Variants in CPE observed in about 807,000 individuals in gnomAD.
CPE encodes carboxypeptidase E.
Under a neutral mutation model 53.5 loss-of-function variants are expected in CPE, and 17 were observed. That is an observed-to-expected ratio of 0.32 (90% CI 0.22 to 0.48). The LOEUF is 0.48. CPE is among the 20% of genes least tolerant of loss of function. The pLI, the probability that CPE is intolerant of heterozygous loss-of-function variation, is 0.99. For missense variants in CPE, 524 were observed against 614.7 expected (o/e 0.85, Z 1.56); for synonymous variants, 226 against 228.8 (o/e 0.99, Z 0.11).
chr4:165,388,799 T>TGATTTTAAA (rs1342058370), intron 1 of CPE, among the ~76,000 whole-genome samples: 1 of 152,114 alleles, frequency 6.6e-6, no homozygotes, highest in East Asian at 1.9e-4. Flanking sequence ...GCTGGACATC[T>TGATTTTAAA]GATTTTAAAG....
intron 1 of CPE, among the ~76,000 whole-genome samples, chr4:165,401,033 T>C (rs1730858201): frequency 6.6e-6 from 1 of 151,168 alleles, no homozygotes; most frequent in African/African-American, 2.5e-5. Context: ...TCAATCTTTA[T>C]CTTACTTGAC....
intron 1 of CPE, among the ~76,000 whole-genome samples, chr4:165,407,877 A>G (rs77014777): frequency 6.6e-6 from 1 of 150,686 alleles, no homozygotes; most frequent in African/African-American, 2.4e-5. Flanking sequence ...TTTTTTTTAA[A>G]GAGACGGAGT....
chr4:165,461,188 G>GAAAGAAAGAAAGAAAAAGAA lies in CPE; in HGVS notation c.308-3191_308-3190insGAAAAAGAAAAAGAAAGAAA, dbSNP rs1560889059. 1.9e-3 allele frequency among the ~76,000 whole-genome samples: 158 copies of GAAAGAAAGAAAGAAAAAGAA among 81,120 alleles called. 2 individuals are homozygous for GAAAGAAAGAAAGAAAAAGAA. Among genetic ancestry groups the GAAAGAAAGAAAGAAAAAGAA allele is most frequent in the African/African-American group, 7.7e-3 (146 of 18,888 alleles). 53.2% of individuals were successfully genotyped at this position (81,120 alleles called of 152,430 possible). ...CCTCAAAAAAAAAAAAAAAAAAAAA[G>GAAAGAAAGAAAGAAAAAGAA]AAAGAAAGAAAAGAAAAGAAAAATA... On this transcript the variant is annotated intron_variant, in intron 1 of 8. Transcript: ENST00000402744.
chr4:165,468,356 C>T (rs1294034180), intron 3 of CPE, among the ~76,000 whole-genome samples: 1 of 152,124 alleles, frequency 6.6e-6, no homozygotes, highest in Non-Finnish European at 1.5e-5. Context: ...CTGGGCTTCC[C>T]TCCTTACCTG....
At chr4:165,406,335 C>G (rs2053276) in intron 1 of CPE, 27,818 of 540,472 alleles carry the variant, frequency 0.051, 907 homozygotes, top group East Asian at 0.099. Context: ...GCCAATCGCC[C>G]GGTAGACCAC....
rs1448244051 is a variant in CPE, at chr4:165,482,188, G to C, written c.673-54G>C. ...CTTTCCTATGTCTTTTCTGTCAAGT[G>C]ATCATACCAATGATTATTAAATTTA... On this transcript the variant is annotated intron_variant, in intron 3 of 8. Coordinates refer to ENST00000402744, the MANE Select transcript of CPE (RefSeq NM_001873.4). The C allele has an allele frequency of 3.4e-6, 4 of 1,166,862 alleles. No individual in the cohort carries two copies. The East Asian group carries it at 9.8e-5, about 28-fold the overall frequency. The allele number at this position is 1,166,862 out of a possible 1,614,324, so 72.3% of individuals were successfully genotyped here. A position where few individuals can be genotyped will look rare whatever the true frequency, so the allele number is the denominator to read the frequency against.
At chr4:165,382,516 G>C (rs1015015627) in intron 1 of CPE, among the ~76,000 whole-genome samples, 1 of 152,124 alleles carries the variant, frequency 6.6e-6, no homozygotes, top group Non-Finnish European at 1.5e-5. Flanking sequence ...TCCAGCAAGA[G>C]AGGTGTCAGA....
chr4:165,487,440 A>G lies in CPE; in HGVS notation c.976A>G (p.Met326Val), dbSNP rs761742276. The G allele has an allele frequency of 1.2e-6, 2 of 1,613,870 alleles. No homozygotes were observed. The highest frequency in any genetic ancestry group is 1.7e-6 in the Non-Finnish European group (2 of 1,179,958). Reference sequence around the variant, plus strand: ...CTTTCCATTTGGTGTTTTGGCAGGGATGCAAGACTTCAATTACCTTAGCAG... The same window carrying G: ...CTTTCCATTTGGTGTTTTGGCAGGGGTGCAAGACTTCAATTACCTTAGCAG... ...GGAWYSVPGG[M>V]QDFNYLSSNC... Residue 326 changes from methionine (M) to valine (V), a missense_variant and splice_region_variant, in exon 6 of 9, where the codon ATG becomes GTG. Physicochemically the swap from Met to Val is conservative, Grantham distance 21 (BLOSUM62 1). Transcript: ENST00000402744.
In CPE at chr4:165,484,616, T is replaced by C. The variant is rs1248173691; in HGVS notation, c.973+12T>C. 3 of 1,611,578 alleles carry C rather than the reference T, an allele frequency of 1.9e-6. No homozygotes were observed. The highest frequency in any genetic ancestry group is 1.7e-6 in the Non-Finnish European group (2 of 1,178,268). Reference sequence around the variant, plus strand: ...CAGCGTACCTGGAGGTGAGTTTCCATTGTGCTCTCTGATTATGTGATTGTA... The same window carrying C: ...CAGCGTACCTGGAGGTGAGTTTCCACTGTGCTCTCTGATTATGTGATTGTA... On this transcript the variant is annotated intron_variant, in intron 5 of 8. Transcript: ENST00000402744.
At chr4:165,408,850 A>G (rs1471794654) in intron 1 of CPE, among the ~76,000 whole-genome samples, 2 of 152,258 alleles carry the variant, frequency 1.3e-5, no homozygotes, top group Non-Finnish European at 2.9e-5. Flanking sequence ...GGAGGGAGAC[A>G]CAGAGAGAAT....
chr4:165,457,513 A>G (rs1458400912), intron 1 of CPE, among the ~76,000 whole-genome samples: 2 of 152,178 alleles, frequency 1.3e-5, no homozygotes, highest in Admixed American at 6.5e-5. Flanking sequence ...CTCTCCTTCA[A>G]TTAGAATCTT....
At chr4:165,476,340 G>C (rs1732299562) in intron 3 of CPE, among the ~76,000 whole-genome samples, 1 of 152,146 alleles carries the variant, frequency 6.6e-6, no homozygotes, top group Non-Finnish European at 1.5e-5. Context: ...CTTGGGGTGG[G>C]CTGTCTGCAT....
intron 8 of CPE, 120 bp from the exon 9 acceptor site, chr4:165,497,392 G>T: frequency 2.2e-6 from 1 of 454,242 alleles, no homozygotes; most frequent in Non-Finnish European, 3.8e-6. Context: ...TTTATTTCAG[G>T]ATTTACTTTA....
intron 1 of CPE, among the ~76,000 whole-genome samples, chr4:165,380,453 A>G (rs1390435323): frequency 6.6e-6 from 1 of 152,178 alleles, no homozygotes; most frequent in East Asian, 1.9e-4. Context: ...GGTATTTAAA[A>G]ATGTTCTTGG....
intron 1 of CPE, among the ~76,000 whole-genome samples, chr4:165,444,192 A>G (rs551537805): frequency 1.3e-5 from 2 of 152,280 alleles, no homozygotes; most frequent in South Asian, 4.1e-4. Flanking sequence ...GTCCCACATT[A>G]TAGTAGAGGA....
At chr4:165,472,166 A>G (rs574984903) in intron 3 of CPE, among the ~76,000 whole-genome samples, 2 of 152,344 alleles carry the variant, frequency 1.3e-5, no homozygotes, top group African/African-American at 4.8e-5. Context: ...GTCTTCTTTT[A>G]GTTCAGTCCA....
At chr4:165,441,615 G>A (rs1430717206) in intron 1 of CPE, among the ~76,000 whole-genome samples, 1 of 152,144 alleles carries the variant, frequency 6.6e-6, no homozygotes, top group Non-Finnish European at 1.5e-5. Flanking sequence ...TATTTGTTAT[G>A]TCCTATTTGG....
intron 6 of CPE, among the ~76,000 whole-genome samples, chr4:165,492,877 A>G (rs1327977442): frequency 2.0e-5 from 3 of 152,224 alleles, no homozygotes; most frequent in Non-Finnish European, 2.9e-5. Flanking sequence ...ATAAGACAAT[A>G]TGAGGAGTGG....
At chr4:165,396,548 G>C (rs571675637) in intron 1 of CPE, among the ~76,000 whole-genome samples, 1 of 152,096 alleles carries the variant, frequency 6.6e-6, no homozygotes, top group African/African-American at 2.4e-5. Context: ...GCATATGCCT[G>C]TAATCCCAGC....
Sources: allele counts gnomAD v4.1 joint callset (sites outside exome capture counted in the v4.1 genomes callset), GRCh38; gene constraint gnomAD v4.1.1; transcripts MANE v1.5; gene names NCBI Gene and HGNC (gene_info 2026-07-23, HGNC 2026-07-21).